Variants in UGT1A9 observed in about 807,000 individuals in gnomAD.
UGT1A9 encodes UDP-glucuronosyltransferase 1A9.
UGT1A9 carries 35 observed loss-of-function variants against 45.0 expected under a neutral mutation model. The ratio of observed to expected loss-of-function variants is 0.78; its 90% CI spans 0.59 to 1.03. The LOEUF (loss-of-function observed/expected upper bound fraction) is 1.03, where lower values mean the gene tolerates loss of function less well. Among genes scored for constraint, UGT1A9 ranks in the 50% least tolerant of loss-of-function variants. The pLI is 0.00. For missense variants in UGT1A9, 687 were observed against 666.6 expected (o/e 1.03, Z -0.34); for synonymous variants, 278 against 250.6 (o/e 1.11, Z -1.03).
intron 1 of UGT1A9, among the ~76,000 whole-genome samples, chr2:233,706,932 A>G (rs1395113598): frequency 6.6e-6 from 1 of 152,126 alleles, no homozygotes; most frequent in Non-Finnish European, 1.5e-5. Context: ...GAGTCTGGTG[A>G]GATGGAATGC....
At chr2:233,746,544 A>G (rs1423478366) in intron 1 of UGT1A9, among the ~76,000 whole-genome samples, 1 of 151,624 alleles carries the variant, frequency 6.6e-6, no homozygotes, top group East Asian at 1.9e-4. Flanking sequence ...CTGCTGTGTG[A>G]CTTCTTAGCC....
At chr2:233,731,346 T>C (rs1050740292) in intron 1 of UGT1A9, among the ~76,000 whole-genome samples, 9 of 151,806 alleles carry the variant, frequency 5.9e-5, no homozygotes, top group African/African-American at 2.2e-4. Flanking sequence ...GCAGGTTTGA[T>C]ACATAGGTAT....
chr2:233,742,713 C>A (rs546122146), intron 1 of UGT1A9: 1 of 152,522 alleles, frequency 6.6e-6, no homozygotes. Flanking sequence ...CCGATTTCAG[C>A]TCAGTGATAT....
At chr2:233,690,083 A>T (rs1370137162) in intron 1 of UGT1A9, among the ~76,000 whole-genome samples, 1 of 152,176 alleles carries the variant, frequency 6.6e-6, no homozygotes, top group Non-Finnish European at 1.5e-5. Flanking sequence ...TATCAAATAG[A>T]TTAAATTGCT....
In UGT1A9 at chr2:233,749,353, T is replaced by G. The variant is rs1479557854; in HGVS notation, c.856-17681T>G. On this transcript the variant is annotated intron_variant, in intron 1 of 4. Transcript: ENST00000354728. The stretch of plus-strand genomic sequence containing the variant: ...GTTGAAAAGTGGGATGGAATTTAAA[T>G]AGTGACTCTTGCCCTTTTCTTCCAG... 5.9e-5 allele frequency among the ~76,000 whole-genome samples: 9 copies of G among 151,918 alleles called. 1 individual carries two copies. The East Asian group carries it at 1.7e-3, about 29-fold the overall frequency.
intron 1 of UGT1A9, among the ~76,000 whole-genome samples, chr2:233,686,811 C>G (rs901755275): frequency 1.2e-4 from 18 of 152,132 alleles, no homozygotes; most frequent in African/African-American, 4.3e-4. Flanking sequence ...GTTACTTTTC[C>G]CTACCTATTT....
intron 1 of UGT1A9, 98 bp from the exon 2 acceptor site, chr2:233,766,936 A>C: frequency 6.3e-7 from 1 of 1,586,086 alleles, no homozygotes; most frequent in Admixed American, 1.8e-5. Flanking sequence ...GCCTTTAATC[A>C]TAGTCTTAAG....
intron 1 of UGT1A9, among the ~76,000 whole-genome samples, chr2:233,724,154 G>A (rs1327662182): frequency 4.4e-3 from 337 of 76,566 alleles, no homozygotes; most frequent in Admixed American, 6.4e-3. Context: ...CTGGCCGGGT[G>A]GGGGGGCTGA....
intron 1 of UGT1A9, among the ~76,000 whole-genome samples, chr2:233,764,876 A>G (rs1378500695): frequency 1.5e-5 from 2 of 134,982 alleles, no homozygotes; most frequent in Non-Finnish European, 3.3e-5. Flanking sequence ...AGCCCAAGGG[A>G]AAAGGCAAAG....
rs574626292 is a variant in UGT1A9 at position 233,672,255 on chromosome 2, T to G, written c.321T>G (p.Ser107=). The change falls in exon 1 of 5, where the codon TCT becomes TCG. Residue 107 remains serine, a synonymous_variant. Transcript: ENST00000354728. ...QWKAQVRSIY[S]LLMGSYNDIF... ...AAGCACAAGTACGAAGTATATATTC[T>G]CTATTAATGGGTTCATACAATGACA... 15 of 1,614,196 alleles carry G rather than the reference T, an allele frequency of 9.3e-6. No homozygotes were observed. The South Asian group carries it at 1.6e-4, about 18-fold the overall frequency.
At chr2:233,691,954 T>G (rs1410011251) in intron 1 of UGT1A9, 1 of 152,322 alleles carries the variant, frequency 6.6e-6, no homozygotes, top group African/African-American at 2.4e-5. Flanking sequence ...CTTTTGTTAT[T>G]CAAAACAGAT....
intron 1 of UGT1A9, among the ~76,000 whole-genome samples, chr2:233,717,124 A>G (rs1167442935): frequency 1.3e-5 from 2 of 152,206 alleles, no homozygotes; most frequent in African/African-American, 4.8e-5. Context: ...CTACATGGAA[A>G]TAGAACACCA....
intron 1 of UGT1A9, among the ~76,000 whole-genome samples, chr2:233,690,231 T>A (rs1054850541): frequency 6.6e-6 from 1 of 152,232 alleles, no homozygotes; most frequent in Non-Finnish European, 1.5e-5. Context: ...TATTCTAGAT[T>A]CAGCAAATTT....
chr2:233,705,091 G>A (rs1166254689), intron 1 of UGT1A9, among the ~76,000 whole-genome samples: 3 of 151,666 alleles, frequency 2.0e-5, no homozygotes, highest in Admixed American at 6.6e-5. Flanking sequence ...AGCCAAGATC[G>A]TGCCATTGCA....
chr2:233,760,477 G>A (rs775184773), intron 1 of UGT1A9: 6 of 1,614,242 alleles, frequency 3.7e-6, no homozygotes, highest in South Asian at 2.2e-5. Flanking sequence ...AGCACCTGAC[G>A]CCTCGTTGTA....
intron 1 of UGT1A9, among the ~76,000 whole-genome samples, chr2:233,694,915 T>C (rs1391653118): frequency 6.6e-6 from 1 of 152,254 alleles, no homozygotes; most frequent in Non-Finnish European, 1.5e-5. Flanking sequence ...ACGTATACAA[T>C]GTGCGATGAT....
intron 1 of UGT1A9, chr2:233,719,818 A>G: frequency 6.3e-7 from 1 of 1,577,544 alleles, no homozygotes; most frequent in Non-Finnish European, 8.6e-7. Flanking sequence ...ATAACAGATA[A>G]ACTGTTGAGG....
intron 1 of UGT1A9, among the ~76,000 whole-genome samples, chr2:233,698,405 T>C (rs896142522): frequency 6.6e-6 from 1 of 152,204 alleles, no homozygotes; most frequent in African/African-American, 2.4e-5. Flanking sequence ...TTTATGTGAC[T>C]TCATCGCAAT....
intron 1 of UGT1A9, chr2:233,741,960 TTG>T: frequency 6.6e-6 from 1 of 151,970 alleles, no homozygotes; most frequent in East Asian, 1.9e-4. Context: ...TACTTTCTTG[TTG>T]TGTTTATGGT....
Sources: gnomAD v4.1 joint callset for allele counts (sites outside exome capture counted in the v4.1 genomes callset) on GRCh38, gnomAD v4.1.1 for gene constraint, MANE v1.5 for transcripts, NCBI Gene and HGNC (gene_info 2026-07-23, HGNC 2026-07-21) for gene names.